The following PPP6R2 variants were observed in gnomAD, a reference collection of about 807,000 sequenced individuals.
The protein encoded by PPP6R2 is protein phosphatase 6 regulatory subunit 2.
Under a neutral mutation model 100.2 loss-of-function variants are expected in PPP6R2, and 62 were observed. That is an observed-to-expected ratio of 0.62 (90% confidence interval 0.50 to 0.76). PPP6R2 has a LOEUF of 0.76. Among genes scored for constraint, PPP6R2 ranks in the 30% least tolerant of loss-of-function variants. PPP6R2 has a pLI of 0.00. For missense variants in PPP6R2, 1,142 were observed against 1,276.3 expected, an observed-to-expected ratio of 0.89 and a Z score of 1.60; for synonymous variants, 525 against 514.7, an observed-to-expected ratio of 1.02 and a Z score of -0.27.
rs375835307 is a variant in PPP6R2, at chr22:50,440,916, C to T, written c.2469C>T (p.Ser823=). The change falls in exon 22 of 24, where the codon AGC becomes AGT. Residue 823 remains serine (S), a synonymous_variant. Transcript: ENST00000612753. ...GTAGCTCCTCTGGGGGCTCCCACAG[C>T]GAGGATGGCGACCAGAAGGCAGCGA... is the stretch of plus-strand genomic sequence containing the variant. ...SDSSSSGGSH[S]EDGDQKAASA... is the part of the protein sequence containing the mutation. 1.5e-5 allele frequency: 25 copies of T among 1,613,588 alleles called. No individual in the cohort carries two copies. The highest frequency in any genetic ancestry group is 3.3e-5 in the Admixed American group (2 of 60,000).
At chr22:50,340,413 GGGTGTGTGT>G (rs1293226923), upstream of PPP6R2, among the ~76,000 whole-genome samples, 257 of 97,214 alleles carry the variant, frequency 2.6e-3, 1 homozygote, top group South Asian at 0.011. Context: ...TGTGTGTGTA[GGGTGTGTGT>G]GGTGTGTGTG....
intron 1 of PPP6R2, among the ~76,000 whole-genome samples, chr22:50,355,772 C>T (rs1401305961): frequency 5.5e-5 from 8 of 146,552 alleles, no homozygotes; most frequent in African/African-American, 1.5e-4. Context: ...CCGCCCGCCT[C>T]GGCCTCCCAA....
At chr22:50,389,753 C>T (rs942224894) in intron 2 of PPP6R2, among the ~76,000 whole-genome samples, 1 of 151,840 alleles carries the variant, frequency 6.6e-6, no homozygotes, top group Non-Finnish European at 1.5e-5. Flanking sequence ...TGTGCACCAC[C>T]ATGCCTGGCT....
intron 1 of PPP6R2, among the ~76,000 whole-genome samples, chr22:50,355,326 C>T (rs2046265345): frequency 6.6e-6 from 1 of 151,160 alleles, no homozygotes. Context: ...CAAGCTCCGC[C>T]TCCCAGGTTC....
intron 17 of PPP6R2, 94 bp from the exon 18 acceptor site, chr22:50,438,080 T>C: frequency 6.5e-7 from 1 of 1,529,912 alleles, no homozygotes; most frequent in South Asian, 1.3e-5. Context: ...GGCTCCCACA[T>C]CCCGAACTAA....
At chr22:50,413,149 G>T (rs2060010670) in intron 4 of PPP6R2, among the ~76,000 whole-genome samples, 1 of 151,554 alleles carries the variant, frequency 6.6e-6, no homozygotes, top group Non-Finnish European at 1.5e-5. Context: ...TAGAGACGGG[G>T]TTTCCTCCAT....
chr22:50,394,065 T>C lies in PPP6R2; in HGVS notation c.157T>C (p.Cys53Arg), dbSNP rs747626451. ...KLLDFLCRQQ[C>R]MEELVSLITQ... ...GCTGGACTTCCTGTGCAGGCAGCAG[T>C]GCATGGAGGAGCTGGTGAGCCTCAT... is the stretch of plus-strand genomic sequence containing the variant. The change falls in exon 3 of 24, where the codon TGC (cysteine) becomes CGC (arginine). Residue 53 changes from cysteine (C) to arginine (R), a missense_variant. By Grantham distance (180) the Cys-to-Arg change is radical. Around this residue, in one of 2 missense-constraint regions of PPP6R2, gnomAD observed 592 missense variants for 758.9 expected, o/e 0.78. Coordinates refer to ENST00000612753, the MANE Select transcript of PPP6R2 (RefSeq NM_001242898.2). The C allele has an allele frequency of 6.2e-7, 1 of 1,614,098 alleles. No homozygotes were observed. The highest frequency in any genetic ancestry group is 1.7e-5 in the Admixed American group (1 of 60,008).
intron 2 of PPP6R2, among the ~76,000 whole-genome samples, chr22:50,374,553 A>G (rs756525578): frequency 6.6e-6 from 1 of 152,208 alleles, no homozygotes; most frequent in East Asian, 1.9e-4. Flanking sequence ...TTGAACTTTC[A>G]GAAACTAATA....
In PPP6R2 at chr22:50,393,245, TC is replaced by T. The variant is rs1469551660; in HGVS notation, c.-16-647del. 1.6e-4 allele frequency among the ~76,000 whole-genome samples: 25 copies of T among 152,222 alleles called. No homozygotes were observed. In the East Asian group the frequency reaches 4.3e-3, roughly 26 times the overall value. The stretch of plus-strand genomic sequence containing the variant: ...GTGTATGTGTGAGGAGGTGCCTGCT[TC>T]AGAGAGAACCCTGGGTGTGATTCAG... On this transcript the variant is annotated intron_variant, in intron 2 of 23. Transcript: ENST00000612753.
upstream of PPP6R2, among the ~76,000 whole-genome samples, chr22:50,339,493 G>GGTGTGTGTT (rs1230298672): frequency 4.4e-5 from 5 of 113,648 alleles, no homozygotes; most frequent in Non-Finnish European, 9.1e-5. Flanking sequence ...GTGTGTATAG[G>GGTGTGTGTT]GTGTGTGTTG....
chr22:50,336,531 A>G, the PPP6R2 span, among the ~76,000 whole-genome samples: 1 of 152,068 alleles, frequency 6.6e-6, no homozygotes, highest in Middle Eastern at 3.2e-3. Flanking sequence ...GTGCATCACC[A>G]TGCCCAGCTA....
intron 3 of PPP6R2, among the ~76,000 whole-genome samples, chr22:50,401,288 A>C (rs1603231212): frequency 6.6e-6 from 1 of 151,644 alleles, no homozygotes; most frequent in African/African-American, 2.4e-5. Flanking sequence ...GCTCACTGCA[A>C]CCTTCACCTC....
At position 50,416,127 on chromosome 22, in the gene PPP6R2, G is replaced by A; in HGVS notation, c.588G>A (p.Val196=). Residue 196 remains valine, a synonymous_variant, in exon 6 of 24, where the codon GTG becomes GTA. Coordinates refer to ENST00000612753, the MANE Select transcript of PPP6R2 (RefSeq NM_001242898.2). The stretch of plus-strand genomic sequence containing the variant: ...AAGAGAAGGTCATCCAGAGGCTTGT[G>A]GAGTTGATCCACCCGAGCCAGGATG... ...LNEEKVIQRL[V]ELIHPSQDED... is the part of the protein sequence containing the mutation. The A allele has an allele frequency of 6.2e-7, 1 of 1,613,834 alleles. No homozygotes were observed.
At chr22:50,415,729 C>T (rs1159365183) in intron 5 of PPP6R2, among the ~76,000 whole-genome samples, 1 of 152,222 alleles carries the variant, frequency 6.6e-6, no homozygotes, top group African/African-American at 2.4e-5. Flanking sequence ...ATGGGAAGGC[C>T]CCAGTGCTGC....
intron 2 of PPP6R2, among the ~76,000 whole-genome samples, chr22:50,384,355 A>G (rs2053756306): frequency 6.6e-6 from 1 of 152,192 alleles, no homozygotes; most frequent in South Asian, 2.1e-4. Context: ...GTAGACCGAG[A>G]CCATCCTGGC....
upstream of PPP6R2, among the ~76,000 whole-genome samples, chr22:50,341,421 C>T (rs2042375759): frequency 6.6e-6 from 1 of 152,068 alleles, no homozygotes; most frequent in Non-Finnish European, 1.5e-5. Context: ...CGAGGCTGTT[C>T]TCAAACTCCT....
chr22:50,407,051 GAA>G (rs996501061), intron 4 of PPP6R2, among the ~76,000 whole-genome samples, 176 bp downstream of exon 4: 2 of 152,112 alleles, frequency 1.3e-5, no homozygotes, highest in African/African-American at 4.8e-5. Context: ...GCTGGAATTT[GAA>G]AGAGTGTTTC....
At chr22:50,438,042 C>T (rs1166815963) in intron 17 of PPP6R2, 132 bp from the exon 18 acceptor site, 2 of 1,490,090 alleles carry the variant, frequency 1.3e-6, no homozygotes, top group African/African-American at 1.4e-5. Flanking sequence ...GCTTTCCTTG[C>T]CCCTCCCCGT....
chr22:50,440,256 A>G (rs897347872), intron 21 of PPP6R2, among the ~76,000 whole-genome samples: 3 of 152,200 alleles, frequency 2.0e-5, no homozygotes, highest in Non-Finnish European at 2.9e-5. Flanking sequence ...CAGCAAGGCC[A>G]TTGGGCTGGC....
Sources: allele counts gnomAD v4.1 joint callset (sites outside exome capture counted in the v4.1 genomes callset), GRCh38; gene constraint gnomAD v4.1.1; regional missense constraint gnomAD v4.1.1; transcripts MANE v1.5; gene names NCBI Gene and HGNC (gene_info 2026-07-23, HGNC 2026-07-21).